The following VIPAS39 variants were observed in gnomAD, a reference collection of about 807,000 sequenced individuals.
VIPAS39 encodes the protein spermatogenesis-defective protein 39 homolog.
In VIPAS39, 63 loss-of-function variants were observed where a neutral mutation model predicts 84.7. That is an observed-to-expected ratio of 0.74 (90% CI 0.61 to 0.92). VIPAS39 has a LOEUF of 0.92. VIPAS39 is among the 40% of genes least tolerant of loss of function. VIPAS39 has a pLI of 0.00. For missense variants in VIPAS39, 499 were observed against 604.5 expected (o/e 0.83, Z 1.83); for synonymous variants, 192 against 216.5 (o/e 0.89, Z 0.99).
Position 77,426,842 on chromosome 14 carries a change from T to G in VIPAS39, c.*774A>C, listed in dbSNP as rs751316071. The G allele has an allele frequency of 6.6e-6, 1 of 152,172 alleles. No individual in the cohort carries two copies. Among genetic ancestry groups the G allele is most frequent in the Non-Finnish European group, 1.5e-5 (1 of 68,044 alleles). 9.4% of individuals were successfully genotyped at this position (152,172 alleles called of 1,614,324 possible). On this transcript the variant is annotated 3_prime_UTR_variant, in exon 20 of 20. Transcript: ENST00000557658. ...GAAATGCTGCTGAATTTAGCCCAGGTGAAACTTCTGAAAGCTCCTGGTGAA... is the reference window on the plus strand; with the variant it reads ...GAAATGCTGCTGAATTTAGCCCAGGGGAAACTTCTGAAAGCTCCTGGTGAA...
chr14:77,433,788 G>A, intron 16 of VIPAS39, 54 bp downstream of exon 16: 1 of 1,574,344 alleles, frequency 6.4e-7, no homozygotes, highest in Non-Finnish European at 8.7e-7. Flanking sequence ...CTTATAACAT[G>A]ATAGAACCCT....
intron 7 of VIPAS39, among the ~76,000 whole-genome samples, chr14:77,444,825 A>G (rs7148149): frequency 1 from 151,853 of 152,064 alleles, 75,823 homozygotes; most frequent in Middle Eastern, 1. Flanking sequence ...CTCGTCATCC[A>G]CCCACCTCAG....
rs764794906 is a variant in VIPAS39, at chr14:77,429,697, T to C, written c.1250A>G (p.Asn417Ser). The C allele has an allele frequency of 6.2e-7, 1 of 1,614,186 alleles. No homozygotes were observed. Among genetic ancestry groups the C allele is most frequent in the Non-Finnish European group, 8.5e-7 (1 of 1,180,022 alleles). ...FHRVVEILHK[N>S]NAPVQILQEY... ...ACCCATTACCTGCACAGGGGCATTG[T>C]TCTTGTGCAAAATTTCGACAACCCG... The change falls in exon 17 of 20, where the codon AAC becomes AGC. Residue 417 changes from asparagine (N) to serine (S), a missense_variant. Transcript: ENST00000557658.
intron 9 of VIPAS39, 52 bp downstream of exon 9, chr14:77,443,067 C>T (rs888129682): frequency 1.5e-5 from 24 of 1,611,244 alleles, no homozygotes; most frequent in Middle Eastern, 1.6e-4. Context: ...ATTCTCCCCT[C>T]GAATGTGGCA....
Position 77,457,597 on chromosome 14 carries a change from G to A in VIPAS39, c.-103C>T. On this transcript the variant is annotated 5_prime_UTR_variant, in exon 1 of 20. Coordinates refer to ENST00000557658, the MANE Select transcript of VIPAS39 (RefSeq NM_001193315.2). ...TGCAGCTTAGAGAAGGGGGCGGAAG[G>A]GAATAATCGTAGGGCGGAGAGAAAA... 1.8e-6 allele frequency: 1 copy of A among 564,000 alleles called. No homozygotes were observed. The highest frequency in any genetic ancestry group is 3.1e-6 in the Non-Finnish European group (1 of 317,512). The allele number at this position is 564,000 out of a possible 1,614,324, so 34.9% of individuals were successfully genotyped here.
chr14:77,456,341 C>A (rs1477561406), intron 1 of VIPAS39, among the ~76,000 whole-genome samples: 2 of 152,060 alleles, frequency 1.3e-5, no homozygotes, highest in Non-Finnish European at 2.9e-5. Flanking sequence ...TATTTTTTAG[C>A]AATCCTAAAG....
chr14:77,434,662 G>T (rs1397656510), intron 14 of VIPAS39, among the ~76,000 whole-genome samples: 2 of 152,008 alleles, frequency 1.3e-5, no homozygotes, highest in Non-Finnish European at 2.9e-5. Flanking sequence ...GGAGGCTGAG[G>T]CAGGTGGATC....
At chr14:77,453,985 G>C (rs766934648) in intron 2 of VIPAS39, 25 bp downstream of exon 2, 8 of 1,611,696 alleles carry the variant, frequency 5.0e-6, no homozygotes, top group African/African-American at 4.0e-5. Flanking sequence ...GTGGAGAAGA[G>C]TACAAACTTC....
rs540211704 is a variant in VIPAS39, at chr14:77,454,095, C to A, written c.8G>T (p.Arg3Leu). 1 of 1,614,092 alleles carries A rather than the reference C, an allele frequency of 6.2e-7. No homozygotes were observed. The highest frequency in any genetic ancestry group is 2.2e-5 in the East Asian group (1 of 44,866). Residue 3 changes from arginine (R) to leucine (L), a missense_variant, in exon 2 of 20, where the codon CGG becomes CTG. By Grantham distance (102) the Arg-to-Leu change is moderately radical. Transcript: ENST00000557658. MNRTKGDEEEYWN... is the reference protein window; with the variant it reads MNLTKGDEEEYWN... ...ATACTCCTCCTCATCACCCTTTGTC[C>A]GATTCATCTACAGTGACAGGAAAAC...
chr14:77,431,315 C>T (rs570760344), intron 16 of VIPAS39, among the ~76,000 whole-genome samples: 2 of 152,300 alleles, frequency 1.3e-5, no homozygotes, highest in South Asian at 4.1e-4. Flanking sequence ...AAAGAACTCA[C>T]ACAATGCAAT....
At chr14:77,447,058 T>A (rs2078801898) in intron 7 of VIPAS39, among the ~76,000 whole-genome samples, 16 of 150,964 alleles carry the variant, frequency 1.1e-4, no homozygotes. Flanking sequence ...TTTTTTTTTT[T>A]AAGATGGAGT....
chr14:77,435,217 G>A lies in VIPAS39; in HGVS notation c.1047+42C>T, dbSNP rs781666961. Reference sequence around the variant, plus strand: ...ACTGGATTTGAACTATCTTCTTTTTGTGCAATGAGAGTTTGTGGAATCTTC... The same window carrying A: ...ACTGGATTTGAACTATCTTCTTTTTATGCAATGAGAGTTTGTGGAATCTTC... On this transcript the variant is annotated intron_variant, in intron 14 of 19. Transcript: ENST00000557658. The A allele has an allele frequency of 7.4e-6, 12 of 1,612,870 alleles. No individual in the cohort carries two copies. The East Asian group carries it at 2.7e-4, about 36-fold the overall frequency.
At position 77,428,350 on chromosome 14, in the gene VIPAS39, G is replaced by A; in HGVS notation, c.1461+20C>T. 2 of 1,604,420 alleles carry A rather than the reference G, an allele frequency of 1.2e-6. No homozygotes were observed. Among genetic ancestry groups the A allele is most frequent in the Non-Finnish European group, 1.7e-6 (2 of 1,171,572 alleles). ...GTCTGTCTCCTGAGCCTGCTGGAGG[G>A]GTGAACTGTAGCTGCTCACCGAGCT... On this transcript the variant is annotated intron_variant, in intron 19 of 19. Transcript: ENST00000557658.
intron 3 of VIPAS39, 57 bp from the exon 4 acceptor site, chr14:77,451,390 C>T (rs2078879380): frequency 1.2e-6 from 2 of 1,613,190 alleles, no homozygotes; most frequent in African/African-American, 2.7e-5. Flanking sequence ...GCCTTGACAT[C>T]CAACATTCAA....
At chr14:77,445,939 CAAAAAA>C (rs35123201) in intron 7 of VIPAS39, among the ~76,000 whole-genome samples, 1 of 100,104 alleles carries the variant, frequency 1.0e-5, no homozygotes, top group African/African-American at 4.2e-5. Context: ...GACTCCATCT[CAAAAAA>C]AAAAAAAAAA....
chr14:77,442,485 T>C, intron 10 of VIPAS39, 75 bp downstream of exon 10: 1 of 1,291,614 alleles, frequency 7.7e-7, no homozygotes, highest in Non-Finnish European at 1.1e-6. Context: ...TGGCGTCTTC[T>C]ATTCCTTTGT....
chr14:77,441,918 A>T (rs1239045499), intron 10 of VIPAS39, among the ~76,000 whole-genome samples: 1 of 152,210 alleles, frequency 6.6e-6, no homozygotes, highest in Non-Finnish European at 1.5e-5. Flanking sequence ...GAAGAAAAAC[A>T]TGATAGAAGA....
chr14:77,440,862 G>A (rs1196434226), intron 11 of VIPAS39, among the ~76,000 whole-genome samples: 1 of 137,888 alleles, frequency 7.3e-6, no homozygotes, highest in South Asian at 2.6e-4. Flanking sequence ...GGGATTACAG[G>A]TGCGTGCCAC....
At chr14:77,455,735 T>C (rs2078950666) in intron 1 of VIPAS39, among the ~76,000 whole-genome samples, 1 of 152,206 alleles carries the variant, frequency 6.6e-6, no homozygotes, top group Admixed American at 6.5e-5. Context: ...TTAAAGATAC[T>C]CTACTGTTAC....
Sources: allele counts gnomAD v4.1 joint callset (sites outside exome capture counted in the v4.1 genomes callset), GRCh38; gene constraint gnomAD v4.1.1; transcripts MANE v1.5; gene names NCBI Gene and HGNC (gene_info 2026-07-23, HGNC 2026-07-21).